LNX2: variants seen among roughly 807,000 people sequenced by gnomAD.
LNX2 encodes the protein ligand of numb-protein X 2.
Under a neutral mutation model 66.2 loss-of-function variants are expected in LNX2, and 35 were observed. That is an observed-to-expected ratio of 0.53 (90% CI 0.40 to 0.70). The LOEUF is 0.70. LNX2 is among the 30% of genes least tolerant of loss of function. The pLI is 0.00. For missense variants in LNX2, 791 were observed against 850.8 expected (o/e 0.93, Z 0.87); for synonymous variants, 337 against 315.6 (o/e 1.07, Z -0.72).
intron 2 of LNX2, among the ~76,000 whole-genome samples, chr13:27,573,832 T>C (rs1593247759): frequency 6.6e-6 from 1 of 152,096 alleles, no homozygotes; most frequent in Non-Finnish European, 1.5e-5. Flanking sequence ...AGAATCTAGT[T>C]TTCTGAGTTG....
intron 1 of LNX2, among the ~76,000 whole-genome samples, chr13:27,584,343 G>T (rs932205699): frequency 1.3e-5 from 2 of 151,316 alleles, no homozygotes; most frequent in African/African-American, 4.9e-5. Flanking sequence ...CTTGAGTCAG[G>T]AGTTCGAGAC....
intron 1 of LNX2, among the ~76,000 whole-genome samples, chr13:27,609,035 C>G (rs966715367): frequency 1.3e-5 from 2 of 152,088 alleles, no homozygotes; most frequent in African/African-American, 4.8e-5. Context: ...TCATGTAATT[C>G]ACTTGCCTCA....
At chr13:27,572,690 C>G (rs1467137709) in intron 2 of LNX2, among the ~76,000 whole-genome samples, 1 of 152,152 alleles carries the variant, frequency 6.6e-6, no homozygotes, top group African/African-American at 2.4e-5. Context: ...TGACATCATT[C>G]CCTGATAACA....
chr13:27,612,750 C>T (rs951101325), intron 1 of LNX2, among the ~76,000 whole-genome samples: 1 of 152,140 alleles, frequency 6.6e-6, no homozygotes, highest in Non-Finnish European at 1.5e-5. Context: ...AGGCATATGA[C>T]ACCACACCCA....
chr13:27,588,743 A>G (rs1955519556), intron 1 of LNX2, among the ~76,000 whole-genome samples: 1 of 152,232 alleles, frequency 6.6e-6, no homozygotes, highest in South Asian at 2.1e-4. Flanking sequence ...TGAAGCTCCC[A>G]AACAGCTTTT....
chr13:27,554,826 G>T (rs751616840), intron 7 of LNX2, among the ~76,000 whole-genome samples: 3 of 152,212 alleles, frequency 2.0e-5, no homozygotes, highest in Non-Finnish European at 4.4e-5. Flanking sequence ...AAAAACAGTT[G>T]TACCACTTTA....
intron 4 of LNX2, among the ~76,000 whole-genome samples, chr13:27,563,413 A>G (rs958241119): frequency 2.0e-5 from 3 of 152,178 alleles, no homozygotes; most frequent in Admixed American, 6.5e-5. Context: ...GGTTGGTGCA[A>G]AAGTAATTAC....
At chr13:27,600,684 C>T (rs1334565130) in intron 1 of LNX2, among the ~76,000 whole-genome samples, 2 of 152,198 alleles carry the variant, frequency 1.3e-5, no homozygotes, top group Admixed American at 1.3e-4. Flanking sequence ...GGTTCATTCT[C>T]AGGCTTCATG....
chr13:27,616,725 T>C (rs1955831405), intron 1 of LNX2, among the ~76,000 whole-genome samples: 1 of 152,226 alleles, frequency 6.6e-6, no homozygotes, highest in South Asian at 2.1e-4. Context: ...CAATTTATTA[T>C]TGTAATGTCA....
At chr13:27,608,823 G>A (rs949049280) in intron 1 of LNX2, among the ~76,000 whole-genome samples, 1 of 59,462 alleles carries the variant, frequency 1.7e-5, no homozygotes, top group Admixed American at 1.7e-4. Context: ...TTTTGGTGGG[G>A]GGCCAAAGTC....
intron 1 of LNX2, among the ~76,000 whole-genome samples, chr13:27,598,643 G>C (rs1330029201): frequency 6.6e-6 from 1 of 152,084 alleles, no homozygotes; most frequent in African/African-American, 2.4e-5. Flanking sequence ...AGGAAACTGA[G>C]AGTAAGGCCC....
At chr13:27,572,291 T>G (rs1440002253) in intron 2 of LNX2, among the ~76,000 whole-genome samples, 1 of 152,174 alleles carries the variant, frequency 6.6e-6, no homozygotes, top group Non-Finnish European at 1.5e-5. Context: ...GGGAGGTGAC[T>G]TGGTTTATTC....
intron 1 of LNX2, among the ~76,000 whole-genome samples, chr13:27,602,248 T>C (rs112005171): frequency 2.3e-3 from 348 of 152,262 alleles, no homozygotes; most frequent in African/African-American, 7.9e-3. Context: ...AAGTAAAATG[T>C]GCAAATCTTA....
At chr13:27,594,467 T>C (rs1482149524) in intron 1 of LNX2, among the ~76,000 whole-genome samples, 6 of 152,150 alleles carry the variant, frequency 3.9e-5, no homozygotes, top group Non-Finnish European at 5.9e-5. Flanking sequence ...CCTTTGAGAG[T>C]TCTTCCACCA....
intron 1 of LNX2, among the ~76,000 whole-genome samples, chr13:27,618,777 AAAGCTCGTAATAC>A (rs1195054176): frequency 1.3e-5 from 2 of 152,246 alleles, no homozygotes; most frequent in African/African-American, 4.8e-5. Context: ...GCCCATATGC[AAAGCTCGTAATAC>A]AACAGCCCAA....
chr13:27,586,101 G>A (rs1593254622), intron 1 of LNX2, among the ~76,000 whole-genome samples: 1 of 148,552 alleles, frequency 6.7e-6, no homozygotes, highest in East Asian at 2.0e-4. Context: ...TAATATCTAA[G>A]TTCAGATATA....
intron 5 of LNX2, among the ~76,000 whole-genome samples, chr13:27,561,638 A>G (rs947502363): frequency 8.5e-5 from 13 of 152,342 alleles, no homozygotes; most frequent in Admixed American, 4.6e-4. Context: ...TTGTAAACAC[A>G]TTCTTCAATG....
At chr13:27,614,254 A>G (rs938150844) in intron 1 of LNX2, among the ~76,000 whole-genome samples, 2 of 152,238 alleles carry the variant, frequency 1.3e-5, no homozygotes, top group Non-Finnish European at 2.9e-5. Flanking sequence ...GCCAGCCACT[A>G]TTCCAGAGGT....
intron 1 of LNX2, among the ~76,000 whole-genome samples, chr13:27,591,608 G>A (rs894384101): frequency 2.6e-5 from 4 of 151,950 alleles, no homozygotes; most frequent in African/African-American, 7.3e-5. Context: ...CTGTCTGTTC[G>A]TCCATCCATC....
Sources: allele counts gnomAD v4.1 joint callset (sites outside exome capture counted in the v4.1 genomes callset), GRCh38; gene constraint gnomAD v4.1.1; transcripts MANE v1.5; gene names NCBI Gene and HGNC (gene_info 2026-07-23, HGNC 2026-07-21).